Variants in CDC42BPB observed in about 807,000 individuals in gnomAD.
The protein encoded by CDC42BPB is CDC42 binding protein kinase beta, also known as serine/threonine-protein kinase MRCK beta.
In CDC42BPB, 37 loss-of-function variants were observed where a neutral mutation model predicts 214.9. That is an observed-to-expected ratio of 0.17 (90% CI 0.13 to 0.23). The LOEUF is 0.23. CDC42BPB is among the 10% of genes least tolerant of loss of function. The pLI, the probability that CDC42BPB is intolerant of heterozygous loss-of-function variation, is 1.00. For synonymous variants in CDC42BPB, 931 were observed against 884.0 expected (o/e 1.05, Z -0.94); for missense variants, 1,694 against 2,227.0 (o/e 0.76, Z 4.82).
At chr14:103,013,023 G>A (rs894402838) in intron 1 of CDC42BPB, among the ~76,000 whole-genome samples, 6 of 152,164 alleles carry the variant, frequency 3.9e-5, no homozygotes, top group African/African-American at 1.4e-4. Flanking sequence ...TTTCTCAGGA[G>A]GTATCCCCAT....
Position 102,978,144 on chromosome 14 carries a change from A to T in CDC42BPB, c.1202T>A (p.Phe401Tyr). ...FSGLHLPFIG[F>Y]TFTTESCFSD... The stretch of plus-strand genomic sequence containing the variant: ...GACATACCTTTCCGTTGTGAATGTA[A>T]AACCAATGAATGGCAAATGTAATCC... The change falls in exon 9 of 37, where the codon TTT (phenylalanine) becomes TAT (tyrosine). Residue 401 changes from phenylalanine (F) to tyrosine (Y), a missense_variant. Physicochemically the swap from Phe to Tyr is conservative, Grantham distance 22. This residue lies in a region of CDC42BPB where 225 missense variants were observed against 459.3 expected (regional missense o/e 0.49). Transcript: ENST00000361246. The T allele has an allele frequency of 6.2e-7, 1 of 1,613,414 alleles. No homozygotes were observed. Among genetic ancestry groups the T allele is most frequent in the Admixed American group, 1.7e-5 (1 of 60,034 alleles).
chr14:102,946,679 C>T lies in CDC42BPB; in HGVS notation c.3537G>A (p.Thr1179=), dbSNP rs377019001. The change falls in exon 28 of 37, where the codon ACG becomes ACA. Residue 1179 remains threonine (T), a synonymous_variant. Transcript: ENST00000361246. ...RRDIPCIFRV[T]ASLLGAPSKT... is the part of the protein sequence containing the mutation. The stretch of plus-strand genomic sequence containing the variant: ...TAGAAGGTGCACCTAAGAGAGAGGC[C>T]GTCACCTTCATGACAGGAAACAGAA... 7.4e-6 allele frequency: 12 copies of T among 1,612,504 alleles called. No individual in the cohort carries two copies. The highest frequency in any genetic ancestry group is 6.7e-5 in the Admixed American group (4 of 59,982).
Position 102,944,996 on chromosome 14 carries a change from C to T in CDC42BPB, c.3812-509G>A, listed in dbSNP as rs1381582040. ...AGACACTGCCCTCACACTCACACGG[C>T]CCCCAGTGAAGACGCCGCCCTCACA... On this transcript the variant is annotated intron_variant, in intron 29 of 36. Transcript: ENST00000361246. The surrounding 1 kb of genome is among the most constrained non-coding windows in gnomAD (Gnocchi z 6.6). Among the ~76,000 whole-genome samples the T allele has an allele frequency of 6.6e-6, 1 of 152,036 alleles. No homozygotes were observed. The highest frequency in any genetic ancestry group is 1.5e-5 in the Non-Finnish European group (1 of 67,974).
At chr14:102,975,120 G>A (rs1332661354) in intron 11 of CDC42BPB, among the ~76,000 whole-genome samples, 2 of 152,184 alleles carry the variant, frequency 1.3e-5, no homozygotes, top group Non-Finnish European at 2.9e-5. Flanking sequence ...CTGTCTGAAA[G>A]CCACAAAAAG....
At chr14:102,991,568 G>A (rs1264928968) in intron 5 of CDC42BPB, among the ~76,000 whole-genome samples, 1 of 152,216 alleles carries the variant, frequency 6.6e-6, no homozygotes, top group Non-Finnish European at 1.5e-5. Flanking sequence ...AGCATGAGTA[G>A]TGTAAGTAAG....
intron 1 of CDC42BPB, among the ~76,000 whole-genome samples, chr14:103,017,942 A>G (rs1412046870): frequency 6.6e-6 from 1 of 152,220 alleles, no homozygotes; most frequent in African/African-American, 2.4e-5. Flanking sequence ...ATACATGCTA[A>G]AGCAGTGGTC....
At chr14:103,008,050 G>T (rs1885946410) in intron 3 of CDC42BPB, among the ~76,000 whole-genome samples, 1 of 144,376 alleles carries the variant, frequency 6.9e-6, no homozygotes, top group East Asian at 1.9e-4. Flanking sequence ...ATCAAAGCCT[G>T]CTGGGCAGTG....
intron 1 of CDC42BPB, among the ~76,000 whole-genome samples, chr14:103,025,909 T>G (rs1887027323): frequency 6.6e-6 from 1 of 151,612 alleles, no homozygotes. Flanking sequence ...ACTGCAGGAT[T>G]CCATTACATG....
rs566259012 is a variant in CDC42BPB, at chr14:102,948,895, C to T, written c.3449+870G>A. 2.2e-3 allele frequency among the ~76,000 whole-genome samples: 338 copies of T among 151,814 alleles called. 1 individual carries two copies. Among genetic ancestry groups the T allele is most frequent in the African/African-American group, 7.5e-3 (312 of 41,466 alleles). On this transcript the variant is annotated intron_variant, in intron 26 of 36. Coordinates refer to ENST00000361246, the MANE Select transcript of CDC42BPB (RefSeq NM_006035.4). ...ACACCTGTGCACAGCCAGGGACTGG[C>T]GGGTGCCCCGGGGGAAGGGACATGG...
At chr14:102,981,302 G>T in intron 7 of CDC42BPB, 1 of 524,662 alleles carries the variant, frequency 1.9e-6, no homozygotes, top group Non-Finnish European at 2.4e-6. Context: ...CATGCCGTGC[G>T]CGGGAAGAGG....
rs923463172 is a variant in CDC42BPB at position 102,933,006 on chromosome 14, A to G, written c.*706T>C. ...CTGCACCACGACACTCGCTGGTTTT[A>G]TGGCAGGAGGCAGAAGCCGTGGAAG... On this transcript the variant is annotated 3_prime_UTR_variant, in exon 37 of 37. Transcript: ENST00000361246. 6.6e-6 allele frequency: 1 copy of G among 152,156 alleles called. No homozygotes were observed. Among genetic ancestry groups the G allele is most frequent in the Non-Finnish European group, 1.5e-5 (1 of 68,016 alleles). The allele number at this position is 152,156 out of a possible 1,614,324, so 9.4% of individuals were successfully genotyped here. A position where few individuals can be genotyped will look rare whatever the true frequency, so the allele number is the denominator to read the frequency against.
intron 3 of CDC42BPB, among the ~76,000 whole-genome samples, chr14:103,007,266 C>T (rs964432043): frequency 3.9e-5 from 6 of 152,068 alleles, no homozygotes; most frequent in Non-Finnish European, 8.8e-5. Flanking sequence ...GTGCTGGGTG[C>T]CATAGCAGGG....
At chr14:102,997,134 C>T (rs1023602301) in intron 5 of CDC42BPB, among the ~76,000 whole-genome samples, 1 of 152,166 alleles carries the variant, frequency 6.6e-6, no homozygotes, top group Non-Finnish European at 1.5e-5. Flanking sequence ...GGAAAGCCTC[C>T]TGATCACCAC....
intron 24 of CDC42BPB, among the ~76,000 whole-genome samples, chr14:102,951,456 C>T (rs539020923): frequency 2.7e-4 from 41 of 152,140 alleles, no homozygotes; most frequent in Admixed American, 2.3e-3. Flanking sequence ...AAGAGCATGT[C>T]GAATCCCAGC....
At chr14:102,967,385 T>A in intron 16 of CDC42BPB, 2 of 984,914 alleles carry the variant, frequency 2.0e-6, no homozygotes, top group Non-Finnish European at 2.4e-6. Flanking sequence ...GAGCTGGAGC[T>A]AGTGACTTCA....
intron 1 of CDC42BPB, among the ~76,000 whole-genome samples, chr14:103,049,421 TG>T (rs1164238722): frequency 6.6e-6 from 1 of 152,320 alleles, no homozygotes; most frequent in East Asian, 1.9e-4. Flanking sequence ...CAACTTCACG[TG>T]AGAGAAATCA....
At chr14:102,964,818 A>G (rs993645570) in intron 18 of CDC42BPB, 168 bp from the exon 19 acceptor site, 1 of 929,158 alleles carries the variant, frequency 1.1e-6, no homozygotes, top group Non-Finnish European at 1.3e-6. Context: ...ATATTTTATG[A>G]CTTTTTTTAC....
Position 102,983,542 on chromosome 14 carries a change from A to T in CDC42BPB, c.891+14T>A. 1 of 1,589,330 alleles carries T rather than the reference A, an allele frequency of 6.3e-7. No individual in the cohort carries two copies. Among genetic ancestry groups the T allele is most frequent in the Non-Finnish European group, 8.5e-7 (1 of 1,176,392 alleles). ...GCCAGGTACCAAAAAAAAAAAAAAA[A>T]TGCAACGTCTTACTTCATGGTTCAT... is the stretch of plus-strand genomic sequence containing the variant. On this transcript the variant is annotated intron_variant, in intron 7 of 36. Transcript: ENST00000361246.
rs113251315 is a variant in CDC42BPB, at chr14:103,001,373, G to A, written c.448-1660C>T. On this transcript the variant is annotated intron_variant, in intron 4 of 36. Coordinates refer to ENST00000361246, the MANE Select transcript of CDC42BPB (RefSeq NM_006035.4). The surrounding 1 kb of genome is among the most constrained non-coding windows in gnomAD (Gnocchi z 5.8). Reference sequence around the variant, plus strand: ...AGACCGTGGCCAGCATGGAGAGCAGGCAGTGGTGAGCGCCAGCTGACCGCA... The same window carrying A: ...AGACCGTGGCCAGCATGGAGAGCAGACAGTGGTGAGCGCCAGCTGACCGCA... 4.6e-5 allele frequency among the ~76,000 whole-genome samples: 7 copies of A among 152,208 alleles called. No homozygotes were observed. Among genetic ancestry groups the A allele is most frequent in the Admixed American group, 4.6e-4 (7 of 15,274 alleles).
Sources: gnomAD v4.1 joint callset for allele counts (sites outside exome capture counted in the v4.1 genomes callset) on GRCh38, gnomAD v4.1.1 for gene constraint, gnomAD v4.1.1 regional missense constraint, Gnocchi (gnomAD v3.1) non-coding constraint, MANE v1.5 for transcripts, NCBI Gene and HGNC (gene_info 2026-07-23, HGNC 2026-07-21) for gene names.